Variants in HS6ST3 observed in about 807,000 individuals in gnomAD.
HS6ST3 encodes the protein heparan sulfate 6-O-sulfotransferase 3, also known as heparan-sulfate 6-O-sulfotransferase 3.
Under a neutral mutation model 36.7 loss-of-function variants are expected in HS6ST3, and 12 were observed. That is an observed-to-expected ratio of 0.33 (90% CI 0.21 to 0.53). The LOEUF (loss-of-function observed/expected upper bound fraction) is 0.53, where lower values mean the gene tolerates loss of function less well. Among genes scored for constraint, HS6ST3 ranks in the 20% least tolerant of loss-of-function variants. The pLI is 0.95. For missense variants in HS6ST3, 584 were observed against 640.9 expected, an observed-to-expected ratio of 0.91 and a Z score of 0.96; for synonymous variants, 240 against 257.5, an observed-to-expected ratio of 0.93 and a Z score of 0.65.
intron 1 of HS6ST3, among the ~76,000 whole-genome samples, chr13:96,376,536 G>C (rs1002141993): frequency 1.3e-5 from 2 of 152,144 alleles, no homozygotes; most frequent in Non-Finnish European, 2.9e-5. Flanking sequence ...CATCAAAACT[G>C]TCCAAGGTTG....
intron 1 of HS6ST3, among the ~76,000 whole-genome samples, chr13:96,095,863 GGTGTGTGTGTGTGTGTGTGTGT>G (rs141939376): frequency 7.1e-6 from 1 of 140,316 alleles, no homozygotes; most frequent in African/African-American, 2.7e-5. Flanking sequence ...TTATATGACT[GGTGTGTGTGTGTGTGTGTGTGT>G]GTGTGTGTGT....
At chr13:96,418,729 T>C (rs903812388) in intron 1 of HS6ST3, among the ~76,000 whole-genome samples, 4 of 152,198 alleles carry the variant, frequency 2.6e-5, no homozygotes, top group Non-Finnish European at 5.9e-5. Flanking sequence ...AGGCCGGCAG[T>C]AACAGTGTGC....
intron 1 of HS6ST3, among the ~76,000 whole-genome samples, chr13:96,136,682 C>CATATAT (rs56247662): frequency 0.019 from 2,458 of 130,070 alleles, 38 homozygotes; most frequent in Non-Finnish European, 0.023. Flanking sequence ...TGTTATGAAA[C>CATATAT]ATATATATAT....
intron 1 of HS6ST3, among the ~76,000 whole-genome samples, chr13:96,111,261 T>C (rs2139300249): frequency 6.6e-6 from 1 of 152,344 alleles, no homozygotes; most frequent in Middle Eastern, 3.4e-3. Flanking sequence ...AATTATCATA[T>C]AGCTTAATTA....
At chr13:96,721,139 A>T (rs2138468802) in intron 1 of HS6ST3, among the ~76,000 whole-genome samples, 1 of 152,286 alleles carries the variant, frequency 6.6e-6, no homozygotes, top group African/African-American at 2.4e-5. Flanking sequence ...CCTAATGATA[A>T]TTCCTCTTGT....
chr13:96,424,762 C>T (rs2055578236), intron 1 of HS6ST3, among the ~76,000 whole-genome samples: 1 of 152,098 alleles, frequency 6.6e-6, no homozygotes, highest in African/African-American at 2.4e-5. Context: ...CATTACACTG[C>T]ACATTAGGAA....
At chr13:96,339,086 C>T (rs2139425106) in intron 1 of HS6ST3, among the ~76,000 whole-genome samples, 1 of 152,166 alleles carries the variant, frequency 6.6e-6, no homozygotes, top group Non-Finnish European at 1.5e-5. Flanking sequence ...AAATTTAGGA[C>T]ATGAAGTGTG....
chr13:96,617,702 G>C (rs1021680153), intron 1 of HS6ST3, among the ~76,000 whole-genome samples: 1 of 152,188 alleles, frequency 6.6e-6, no homozygotes, highest in South Asian at 2.1e-4. Context: ...TGGTTGGCAA[G>C]GGTTGGTCCC....
At chr13:96,582,105 T>C (rs1242437319) in intron 1 of HS6ST3, among the ~76,000 whole-genome samples, 1 of 152,170 alleles carries the variant, frequency 6.6e-6, no homozygotes, top group Non-Finnish European at 1.5e-5. Flanking sequence ...ACACAAAGAT[T>C]TTAAAGAAAA....
intron 1 of HS6ST3, among the ~76,000 whole-genome samples, chr13:96,638,891 A>G (rs2056559852): frequency 2.6e-5 from 4 of 151,958 alleles, no homozygotes; most frequent in Admixed American, 2.0e-4. Context: ...TACACTAAAA[A>G]CTTAAAAGAT....
At chr13:96,615,184 T>C (rs1489226225) in intron 1 of HS6ST3, among the ~76,000 whole-genome samples, 1 of 152,220 alleles carries the variant, frequency 6.6e-6, no homozygotes, top group Non-Finnish European at 1.5e-5. Context: ...CACCAAACTG[T>C]AACATGCTTT....
At chr13:96,482,411 A>G (rs191501754) in intron 1 of HS6ST3, among the ~76,000 whole-genome samples, 1 of 151,952 alleles carries the variant, frequency 6.6e-6, no homozygotes, top group East Asian at 1.9e-4. Context: ...TCATATGACA[A>G]TAATTTTTTC....
intron 1 of HS6ST3, among the ~76,000 whole-genome samples, chr13:96,229,565 G>A (rs1184759147): frequency 1.3e-5 from 2 of 152,152 alleles, no homozygotes; most frequent in Non-Finnish European, 2.9e-5. Flanking sequence ...GGGCATTAAT[G>A]CTACCATGAA....
At chr13:96,116,917 GAAGT>G (rs2053896666) in intron 1 of HS6ST3, among the ~76,000 whole-genome samples, 1 of 152,118 alleles carries the variant, frequency 6.6e-6, no homozygotes, top group African/African-American at 2.4e-5. Context: ...ACATTTATAT[GAAGT>G]AAGGGGAAAA....
chr13:96,730,154 A>T (rs1311776383), intron 1 of HS6ST3, among the ~76,000 whole-genome samples: 1 of 152,142 alleles, frequency 6.6e-6, no homozygotes, highest in Non-Finnish European at 1.5e-5. Context: ...GTCATTTGGA[A>T]ATTTCATTCA....
intron 1 of HS6ST3, among the ~76,000 whole-genome samples, chr13:96,811,892 C>A (rs559388851): frequency 6.6e-6 from 1 of 152,224 alleles, no homozygotes; most frequent in South Asian, 2.1e-4. Flanking sequence ...ATGCTTAGAT[C>A]AGACTCAGGC....
chr13:96,211,257 A>G (rs1045415961), intron 1 of HS6ST3, among the ~76,000 whole-genome samples: 2 of 152,092 alleles, frequency 1.3e-5, no homozygotes, highest in African/African-American at 4.8e-5. Context: ...TATCATGGCT[A>G]TTATTTATTT....
At chr13:96,190,416 T>C (rs2054283410) in intron 1 of HS6ST3, among the ~76,000 whole-genome samples, 1 of 152,216 alleles carries the variant, frequency 6.6e-6, no homozygotes, top group South Asian at 2.1e-4. Flanking sequence ...TATTGGTTTA[T>C]ACCTCTCTAG....
chr13:96,792,431 C>T (rs1877812695), intron 1 of HS6ST3, among the ~76,000 whole-genome samples: 1 of 151,860 alleles, frequency 6.6e-6, no homozygotes, highest in Non-Finnish European at 1.5e-5. Flanking sequence ...TTTTTCTCAC[C>T]ATAGTCTTCA....
Sources: gnomAD v4.1 joint callset for allele counts (sites outside exome capture counted in the v4.1 genomes callset) on GRCh38, gnomAD v4.1.1 for gene constraint, MANE v1.5 for transcripts, NCBI Gene and HGNC (gene_info 2026-07-23, HGNC 2026-07-21) for gene names.